Variants in KLF12 observed in about 807,000 individuals in gnomAD.
KLF12 encodes KLF transcription factor 12.
In KLF12, 9 loss-of-function variants were observed where a neutral mutation model predicts 37.8. The ratio of observed to expected loss-of-function variants is 0.24; its 90% CI spans 0.14 to 0.42. The LOEUF is 0.42. Ranked by LOEUF, KLF12 falls within the 10% of genes least tolerant of loss-of-function variation. The probability of loss-of-function intolerance (pLI) is 1.00; values close to 1 mark genes in which losing one functional copy is unlikely to be tolerated. For synonymous variants in KLF12, 208 were observed against 202.1 expected, an observed-to-expected ratio of 1.03 and a Z score of -0.25; for missense variants, 411 against 516.0, an observed-to-expected ratio of 0.80 and a Z score of 1.97.
chr13:73,785,528 T>C (rs1881283396), intron 5 of KLF12, among the ~76,000 whole-genome samples: 1 of 152,188 alleles, frequency 6.6e-6, no homozygotes, highest in Non-Finnish European at 1.5e-5. Context: ...CAACTCCTTA[T>C]TGGCTATGTT....
At chr13:74,138,746 C>T (rs1320613843), upstream of KLF12, among the ~76,000 whole-genome samples, 1 of 152,220 alleles carries the variant, frequency 6.6e-6, no homozygotes, top group East Asian at 1.9e-4. Flanking sequence ...CTGAGCTCTG[C>T]ATCTAGCCCC....
rs11342071 is a variant in KLF12, at chr13:73,904,469, C to CTTTTTTTTTTTTT, written c.123+39499_123+39511dup. Among the ~76,000 whole-genome samples, 82 of 91,950 alleles carry CTTTTTTTTTTTTT rather than the reference C, an allele frequency of 8.9e-4. 1 individual carries two copies. The highest frequency in any genetic ancestry group is 1.2e-3 in the Non-Finnish European group (59 of 48,298). The allele number at this position is 91,950 out of a possible 152,430, so 60.3% of individuals were successfully genotyped here. A position where few individuals can be genotyped will look rare whatever the true frequency, so the allele number is the denominator to read the frequency against. ...CAGTTTCTCATGTTTTCTTTCTTTCCTTTTTTTTTTTTTTTTTTTTTTTAC... is the reference window on the plus strand; with the variant it reads ...CAGTTTCTCATGTTTTCTTTCTTTCCTTTTTTTTTTTTTTTTTTTTTTTTTTTTTTTTTTTTAC... On this transcript the variant is annotated intron_variant, in intron 3 of 7. Coordinates refer to ENST00000377669, the MANE Select transcript of KLF12 (RefSeq NM_007249.5).
the KLF12 span, among the ~76,000 whole-genome samples, chr13:74,237,514 T>A: frequency 1.4e-5 from 2 of 144,802 alleles, no homozygotes; most frequent in Non-Finnish European, 1.5e-5. Flanking sequence ...TGGCATTGAA[T>A]CTGTAAATTA....
intron 5 of KLF12, 77 bp from the exon 6 acceptor site, chr13:73,765,077 A>C: frequency 1.2e-6 from 1 of 840,878 alleles, no homozygotes; most frequent in Non-Finnish European, 1.9e-6. Flanking sequence ...GGCATGTTTT[A>C]TAAATAATTT....
chr13:74,229,987 A>C, the KLF12 span, among the ~76,000 whole-genome samples: 1 of 152,092 alleles, frequency 6.6e-6, no homozygotes, highest in African/African-American at 2.4e-5. Flanking sequence ...TGGGTAGATG[A>C]GGTACATTAC....
the KLF12 span, among the ~76,000 whole-genome samples, chr13:74,171,836 T>C: frequency 0.28 from 42,601 of 152,060 alleles, 9,498 homozygotes; most frequent in African/African-American, 0.62. Context: ...ATTATTTCTG[T>C]TGCTATTTAT....
chr13:74,245,948 GTAAC>G, the KLF12 span, among the ~76,000 whole-genome samples: 1 of 152,194 alleles, frequency 6.6e-6, no homozygotes, highest in Non-Finnish European at 1.5e-5. Flanking sequence ...CTGAGTTTCA[GTAAC>G]TTTTCCCCAG....
chr13:73,785,467 C>T (rs564874430), intron 5 of KLF12, among the ~76,000 whole-genome samples: 1 of 152,214 alleles, frequency 6.6e-6, no homozygotes, highest in East Asian at 1.9e-4. Context: ...AGCCTTCTAC[C>T]CAAAGTTACA....
At chr13:74,062,164 A>C (rs1432607459) in intron 1 of KLF12, among the ~76,000 whole-genome samples, 2 of 152,158 alleles carry the variant, frequency 1.3e-5, no homozygotes. Flanking sequence ...CACCCATGTT[A>C]AAGAGTGTCT....
chr13:73,900,647 T>A (rs1887995928), intron 3 of KLF12, among the ~76,000 whole-genome samples: 1 of 152,004 alleles, frequency 6.6e-6, no homozygotes. Flanking sequence ...AAAAAACTAA[T>A]CGTGCATAGT....
At chr13:73,855,428 G>T (rs1039926821) in intron 3 of KLF12, among the ~76,000 whole-genome samples, 4 of 151,392 alleles carry the variant, frequency 2.6e-5, no homozygotes, top group East Asian at 1.9e-4. Flanking sequence ...TTTCGTTTTT[G>T]TGTGTGTGTG....
chr13:73,785,541 C>T (rs189266042), intron 5 of KLF12, among the ~76,000 whole-genome samples: 1 of 152,192 alleles, frequency 6.6e-6, no homozygotes, highest in African/African-American at 2.4e-5. Context: ...GCTATGTTCA[C>T]TTGGATATCC....
At chr13:74,015,246 T>C (rs1008246168) in intron 1 of KLF12, among the ~76,000 whole-genome samples, 2 of 152,204 alleles carry the variant, frequency 1.3e-5, no homozygotes, top group Non-Finnish European at 2.9e-5. Context: ...TTAAAAGGTG[T>C]ATGTGTAATT....
At position 73,851,443 on chromosome 13, in the gene KLF12, T is replaced by A. The variant is rs184346409; in HGVS notation, c.124-5070A>T. On this transcript the variant is annotated intron_variant, in intron 3 of 7. Transcript: ENST00000377669. ...TGTCATTTGATACTTTTTTTTCCTCTACTTTCTAGCTGAGTTAGATTGGCC... is the reference window on the plus strand; with the variant it reads ...TGTCATTTGATACTTTTTTTTCCTCAACTTTCTAGCTGAGTTAGATTGGCC... Among the ~76,000 whole-genome samples the A allele has an allele frequency of 2.7e-3, 405 of 152,336 alleles. 3 individuals are homozygous for A. Among genetic ancestry groups the A allele is most frequent in the African/African-American group, 9.4e-3 (390 of 41,580 alleles).
the KLF12 span, among the ~76,000 whole-genome samples, chr13:74,240,270 C>T: frequency 7.1e-5 from 10 of 141,686 alleles, no homozygotes; most frequent in African/African-American, 1.4e-4. Context: ...TGAATATTGG[C>T]CCCCACTCTC....
intron 3 of KLF12, among the ~76,000 whole-genome samples, chr13:73,858,374 TTAAC>T (rs766077750): frequency 8.5e-5 from 13 of 152,282 alleles, no homozygotes; most frequent in Non-Finnish European, 1.3e-4. Flanking sequence ...TAATTTGAAA[TTAAC>T]TAAGGAAAAC....
chr13:73,848,544 G>A (rs972541722), intron 3 of KLF12, among the ~76,000 whole-genome samples: 1 of 147,358 alleles, frequency 6.8e-6, no homozygotes, highest in Admixed American at 6.8e-5. Context: ...AATAATATTA[G>A]CTATATATTA....
At chr13:73,793,006 G>A (rs932938970) in intron 5 of KLF12, among the ~76,000 whole-genome samples, 3 of 152,116 alleles carry the variant, frequency 2.0e-5, no homozygotes, top group Admixed American at 6.5e-5. Context: ...CTCTAGTAAC[G>A]TACTCAACTG....
At chr13:73,706,800 C>T (rs1874985800) in intron 7 of KLF12, among the ~76,000 whole-genome samples, 2 of 152,186 alleles carry the variant, frequency 1.3e-5, no homozygotes, top group Admixed American at 1.3e-4. Flanking sequence ...AGATTTAGGA[C>T]TCCTTGCTGT....
Sources: gnomAD v4.1 joint callset for allele counts (sites outside exome capture counted in the v4.1 genomes callset) on GRCh38, gnomAD v4.1.1 for gene constraint, MANE v1.5 for transcripts, NCBI Gene and HGNC (gene_info 2026-07-23, HGNC 2026-07-21) for gene names.